TTC28: variants seen among roughly 807,000 people sequenced by gnomAD.
TTC28 encodes the protein tetratricopeptide repeat domain 28.
In TTC28, 61 loss-of-function variants were observed where a neutral mutation model predicts 198.0. The ratio of observed to expected loss-of-function variants is 0.31; its 90% CI spans 0.25 to 0.38. TTC28 has a LOEUF of 0.38. Among genes scored for constraint, TTC28 ranks in the 10% least tolerant of loss-of-function variants. The pLI, the probability that TTC28 is intolerant of heterozygous loss-of-function variation, is 1.00. For missense variants in TTC28, 2,678 were observed against 3,164.0 expected, an observed-to-expected ratio of 0.85 and a Z score of 3.69; for synonymous variants, 1,171 against 1,297.8, an observed-to-expected ratio of 0.90 and a Z score of 2.10.
chr22:28,081,680 C>T lies in TTC28; in HGVS notation c.3932+12400G>A, dbSNP rs533568318. Among the ~76,000 whole-genome samples, 131 of 151,952 alleles carry T rather than the reference C, an allele frequency of 8.6e-4. 1 individual carries two copies. The South Asian group carries it at 0.024, about 27-fold the overall frequency. ...GCTAATTTTGTACATTTAGTAGAGACGAGATTTCACCATGTTGGCCAGGCT... is the reference window on the plus strand; with the variant it reads ...GCTAATTTTGTACATTTAGTAGAGATGAGATTTCACCATGTTGGCCAGGCT... On this transcript the variant is annotated intron_variant, in intron 12 of 22. Coordinates refer to ENST00000397906, the MANE Select transcript of TTC28 (RefSeq NM_001145418.2).
At chr22:28,398,665 G>A (rs1297506054) in intron 2 of TTC28, among the ~76,000 whole-genome samples, 1 of 152,136 alleles carries the variant, frequency 6.6e-6, no homozygotes, top group African/African-American at 2.4e-5. Flanking sequence ...AGCCTGCTGT[G>A]CCTGCTGTGT....
At chr22:28,338,690 C>G (rs900549749) in intron 2 of TTC28, among the ~76,000 whole-genome samples, 2 of 152,214 alleles carry the variant, frequency 1.3e-5, no homozygotes, top group Admixed American at 1.3e-4. Context: ...TCAGCTCCAT[C>G]AGGTCCTTTA....
chr22:28,131,819 G>A (rs1170315638), intron 6 of TTC28, among the ~76,000 whole-genome samples: 1 of 152,156 alleles, frequency 6.6e-6, no homozygotes, highest in African/African-American at 2.4e-5. Context: ...TCCTGGAATG[G>A]AATCAGGCTC....
intron 2 of TTC28, among the ~76,000 whole-genome samples, chr22:28,358,103 T>C (rs1174293933): frequency 6.6e-6 from 1 of 152,216 alleles, no homozygotes; most frequent in African/African-American, 2.4e-5. Flanking sequence ...GTACCTTATT[T>C]TGAGAATTAA....
At position 27,982,300 on chromosome 22, in the gene TTC28, G is replaced by A. The variant is rs781150373; in HGVS notation, c.7367C>T (p.Ala2456Val). 2.6e-6 allele frequency: 4 copies of A among 1,518,194 alleles called. No homozygotes were observed. The highest frequency in any genetic ancestry group is 2.5e-5 in the East Asian group (1 of 40,628). 94.0% of individuals were successfully genotyped at this position (1,518,194 alleles called of 1,614,324 possible). Residue 2456 changes from alanine (A) to valine (V), a missense_variant, in exon 23 of 23, where the codon GCG becomes GTG. Physicochemically the swap from Ala to Val is moderately conservative, Grantham distance 64. Coordinates refer to ENST00000397906, the MANE Select transcript of TTC28 (RefSeq NM_001145418.2). This position sits in a 1 kb window ranked among gnomAD's most constrained non-coding sequence, Gnocchi z 5.2. ...LPAGPPATAPARPLRLPSGNG... is the reference protein window; with the variant it reads ...LPAGPPATAPVRPLRLPSGNG... ...TCCAGAAGGAAGCCTCAAAGGGCGCGCGGGGGCTGTGGCGGGAGGGCCGGC... is the reference window on the plus strand; with the variant it reads ...TCCAGAAGGAAGCCTCAAAGGGCGCACGGGGGCTGTGGCGGGAGGGCCGGC...
intron 5 of TTC28, among the ~76,000 whole-genome samples, chr22:28,277,079 T>TA (rs1028312080): frequency 3.9e-5 from 6 of 151,948 alleles, no homozygotes; most frequent in African/African-American, 1.2e-4. Flanking sequence ...ACTAAAATAA[T>TA]AAAAAAAATT....
chr22:28,169,956 C>T (rs984314916), intron 5 of TTC28, among the ~76,000 whole-genome samples: 5 of 151,966 alleles, frequency 3.3e-5, no homozygotes, highest in Admixed American at 6.6e-5. Flanking sequence ...AGTTGCTAAT[C>T]GTACTTCTAT....
chr22:27,991,042 T>TCAGCCAGGCCTCCCTTCC (rs1278720981), intron 19 of TTC28, among the ~76,000 whole-genome samples: 1 of 152,058 alleles, frequency 6.6e-6, no homozygotes, highest in East Asian at 1.9e-4. Context: ...AGGGGCAGCA[T>TCAGCCAGGCCTCCCTTCC]CAGCCAGGCC....
chr22:28,203,865 C>T (rs1219171511), intron 5 of TTC28, among the ~76,000 whole-genome samples: 1 of 152,126 alleles, frequency 6.6e-6, no homozygotes, highest in Non-Finnish European at 1.5e-5. Flanking sequence ...CCTCACTCAT[C>T]ACAAGGAGAC....
chr22:28,131,918 T>TA (rs1250894646), intron 6 of TTC28, among the ~76,000 whole-genome samples: 1 of 152,200 alleles, frequency 6.6e-6, no homozygotes, highest in East Asian at 1.9e-4. Flanking sequence ...GCCCTTGAAC[T>TA]AATCCCTAAA....
At chr22:28,252,941 C>T (rs1177088829) in intron 5 of TTC28, among the ~76,000 whole-genome samples, 1 of 152,126 alleles carries the variant, frequency 6.6e-6, no homozygotes, top group African/African-American at 2.4e-5. Flanking sequence ...TTAAGTACTC[C>T]AGTATTCACT....
In TTC28 at chr22:28,485,260, G is replaced by A. The variant is rs186778027; in HGVS notation, c.381+144292C>T. On this transcript the variant is annotated intron_variant, in intron 2 of 22. Coordinates refer to ENST00000397906, the MANE Select transcript of TTC28 (RefSeq NM_001145418.2). The stretch of plus-strand genomic sequence containing the variant: ...TAAATCAGTAATTCACATCACAGCC[G>A]AATCAAGCCATTTCATTACATTTCA... Among the ~76,000 whole-genome samples the A allele has an allele frequency of 7.9e-5, 12 of 152,138 alleles. No homozygotes were observed. In the East Asian group the frequency reaches 2.3e-3, roughly 29 times the overall value.
intron 5 of TTC28, among the ~76,000 whole-genome samples, chr22:28,244,968 T>C (rs1007401397): frequency 6.6e-6 from 1 of 152,158 alleles, no homozygotes; most frequent in African/African-American, 2.4e-5. Flanking sequence ...ATGTTGCTTG[T>C]GTCATGCCTA....
intron 2 of TTC28, among the ~76,000 whole-genome samples, chr22:28,310,175 A>AC (rs66509137): frequency 0.099 from 12,278 of 123,542 alleles, 611 homozygotes; most frequent in Middle Eastern, 0.13. Context: ...CACACACACA[A>AC]AAAACAAGAC....
intron 5 of TTC28, among the ~76,000 whole-genome samples, chr22:28,285,585 C>G (rs1053716509): frequency 6.6e-6 from 1 of 152,206 alleles, no homozygotes; most frequent in East Asian, 1.9e-4. Context: ...CTCATACAAA[C>G]GATAACTAAG....
At chr22:28,647,284 A>G (rs960753266) in intron 1 of TTC28, among the ~76,000 whole-genome samples, 4 of 152,212 alleles carry the variant, frequency 2.6e-5, no homozygotes, top group Non-Finnish European at 4.4e-5. Flanking sequence ...TAGAAATTCT[A>G]GAAGAAAATC....
Position 28,254,475 on chromosome 22 carries a change from AG to A in TTC28, c.933+41722del, listed in dbSNP as rs1438847073. Among the ~76,000 whole-genome samples the A allele has an allele frequency of 8.9e-5, 13 of 146,286 alleles. 1 individual carries two copies. Among genetic ancestry groups the A allele is most frequent in the Admixed American group, 7.7e-4 (11 of 14,344 alleles). On this transcript the variant is annotated intron_variant, in intron 5 of 22. Coordinates refer to ENST00000397906, the MANE Select transcript of TTC28 (RefSeq NM_001145418.2). The stretch of plus-strand genomic sequence containing the variant: ...AGCACTTCAAAAGAAGTGTTTATTC[AG>A]GAATACTTAATGGTGCAAAAAAAAA...
At position 28,144,233 on chromosome 22, in the gene TTC28, A is replaced by G. The variant is rs556495927; in HGVS notation, c.1441+18859T>C. 8.5e-5 allele frequency among the ~76,000 whole-genome samples: 13 copies of G among 152,354 alleles called. 1 individual carries two copies. Among genetic ancestry groups the G allele is most frequent in the African/African-American group, 3.1e-4 (13 of 41,584 alleles). ...TAACTTTCCCCAGGCCACACAGCTC[A>G]TAAATGGCAGAGCTACAATTCAAAC... On this transcript the variant is annotated intron_variant, in intron 6 of 22. Transcript: ENST00000397906.
Position 28,541,527 on chromosome 22 carries a change from T to C in TTC28, c.381+88025A>G, listed in dbSNP as rs544196662. 8.0e-4 allele frequency among the ~76,000 whole-genome samples: 122 copies of C among 152,162 alleles called. 3 individuals are homozygous for C. In the South Asian group the frequency reaches 0.023, roughly 29 times the overall value. On this transcript the variant is annotated intron_variant, in intron 2 of 22. Coordinates refer to ENST00000397906, the MANE Select transcript of TTC28 (RefSeq NM_001145418.2). The stretch of plus-strand genomic sequence containing the variant: ...CTAAAAGAAAACAATAAAAACCAAA[T>C]GCACAACAGGAAAACATCAACAATG...
Sources: gnomAD v4.1 joint callset for allele counts (sites outside exome capture counted in the v4.1 genomes callset) on GRCh38, gnomAD v4.1.1 for gene constraint, Gnocchi (gnomAD v3.1) non-coding constraint, MANE v1.5 for transcripts, NCBI Gene and HGNC (gene_info 2026-07-23, HGNC 2026-07-21) for gene names.